CAMTA1: variants seen among roughly 807,000 people sequenced by gnomAD.
CAMTA1 encodes the protein calmodulin-binding transcription activator 1.
In CAMTA1, 27 loss-of-function variants were observed where a neutral mutation model predicts 170.9. The observed-to-expected ratio is 0.16, with a 90% CI of 0.12 to 0.22. The LOEUF (loss-of-function observed/expected upper bound fraction) is 0.22. Ranked by LOEUF, CAMTA1 falls within the 10% of genes least tolerant of loss-of-function variation. CAMTA1 has a pLI of 1.00. For synonymous variants in CAMTA1, 833 were observed against 891.5 expected, an observed-to-expected ratio of 0.93 and a Z score of 1.17; for missense variants, 1,619 against 2,217.2, an observed-to-expected ratio of 0.73 and a Z score of 5.42.
At chr1:7,148,157 T>C (rs12751444) in intron 4 of CAMTA1, among the ~76,000 whole-genome samples, 108,189 of 149,980 alleles carry the variant, frequency 0.72, 39,651 homozygotes, top group African/African-American at 0.89. Context: ...ACGACACAAA[T>C]GTACACCATG....
At position 6,785,504 on chromosome 1, in the gene CAMTA1, G is replaced by A. The variant is rs192783463; in HGVS notation, c.-27G>A. On this transcript the variant is annotated 5_prime_UTR_variant, in exon 1 of 23. Coordinates refer to ENST00000303635, the MANE Select transcript of CAMTA1 (RefSeq NM_015215.4). The stretch of plus-strand genomic sequence containing the variant: ...CGGCGGCGGTACGAGGCGCGCGCTC[G>A]GGGTCCCGGTCGCGAGGAGGAGGAG... The A allele has an allele frequency of 0.077, 80,048 of 1,034,040 alleles. 3,207 individuals carry two copies. The highest frequency in any genetic ancestry group is 0.083 in the Non-Finnish European group (71,327 of 854,816). 64.1% of individuals were successfully genotyped at this position (1,034,040 alleles called of 1,614,324 possible).
chr1:7,471,224 A>C (rs75818963), intron 6 of CAMTA1, among the ~76,000 whole-genome samples: 3 of 152,064 alleles, frequency 2.0e-5, no homozygotes, highest in African/African-American at 4.8e-5. Context: ...TCTCTCTGTC[A>C]TGTTCTCCCT....
At chr1:7,138,632 A>G (rs1645686188) in intron 4 of CAMTA1, among the ~76,000 whole-genome samples, 1 of 152,216 alleles carries the variant, frequency 6.6e-6, no homozygotes, top group Non-Finnish European at 1.5e-5. Context: ...AAACACATAC[A>G]TGCCAACATT....
chr1:7,576,705 T>A (rs2095197871), intron 6 of CAMTA1, among the ~76,000 whole-genome samples: 1 of 152,068 alleles, frequency 6.6e-6, no homozygotes, highest in Non-Finnish European at 1.5e-5. Context: ...CAGAATGGAT[T>A]GAGATGCCAC....
chr1:6,844,583 G>A (rs1366838694), intron 3 of CAMTA1, among the ~76,000 whole-genome samples: 1 of 150,858 alleles, frequency 6.6e-6, no homozygotes, highest in African/African-American at 2.4e-5. Context: ...CTACTTGGGA[G>A]CCTGAGGTGG....
chr1:7,421,771 G>A (rs921757642), intron 5 of CAMTA1, among the ~76,000 whole-genome samples: 1 of 152,094 alleles, frequency 6.6e-6, no homozygotes, highest in African/African-American at 2.4e-5. Context: ...AGACCAAGGA[G>A]GCAGGAGGCC....
chr1:7,316,487 G>A (rs532500658), intron 5 of CAMTA1, among the ~76,000 whole-genome samples: 24 of 152,318 alleles, frequency 1.6e-4, no homozygotes, highest in Non-Finnish European at 3.1e-4. Context: ...AATGCTTGAC[G>A]CACGGTAAGT....
chr1:6,978,879 A>C (rs976057993), intron 3 of CAMTA1, among the ~76,000 whole-genome samples: 2 of 152,076 alleles, frequency 1.3e-5, no homozygotes, highest in Non-Finnish European at 2.9e-5. Flanking sequence ...CTGGACCTGG[A>C]GGTACTGGAT....
At chr1:6,790,068 C>T (rs1271078294) in intron 1 of CAMTA1, among the ~76,000 whole-genome samples, 1 of 151,614 alleles carries the variant, frequency 6.6e-6, no homozygotes, top group Non-Finnish European at 1.5e-5. Context: ...CCTACCTCAG[C>T]CTCCCTTGCC....
Position 7,737,029 on chromosome 1 carries a change from AG to A in CAMTA1, c.3342+21del. Reference sequence around the variant, plus strand: ...CCTCTGGTAAGGAATGGATTCCTGTAGCCCCCCCTTGCTGTTCTTCCAGTCT... The same window carrying A: ...CCTCTGGTAAGGAATGGATTCCTGTACCCCCCCTTGCTGTTCTTCCAGTCT... On this transcript the variant is annotated intron_variant, in intron 14 of 22. Transcript: ENST00000303635. 1 of 1,574,862 alleles carries A rather than the reference AG, an allele frequency of 6.3e-7. No homozygotes were observed. The highest frequency in any genetic ancestry group is 2.2e-5 in the East Asian group (1 of 44,634).
At chr1:7,295,047 C>T (rs1268186994) in intron 5 of CAMTA1, among the ~76,000 whole-genome samples, 11 of 152,258 alleles carry the variant, frequency 7.2e-5, no homozygotes, top group Admixed American at 7.2e-4. Flanking sequence ...TCACTGATAG[C>T]ATCAAGCACA....
At chr1:6,960,482 TG>T (rs1690193922) in intron 3 of CAMTA1, among the ~76,000 whole-genome samples, 1 of 152,186 alleles carries the variant, frequency 6.6e-6, no homozygotes, top group Non-Finnish European at 1.5e-5. Flanking sequence ...CTCTTGGCAC[TG>T]GGTCCAGATT....
At chr1:6,864,228 T>A (rs889401452) in intron 3 of CAMTA1, among the ~76,000 whole-genome samples, 2 of 152,354 alleles carry the variant, frequency 1.3e-5, no homozygotes, top group Middle Eastern at 3.4e-3. Context: ...TCCAAAACAA[T>A]TCCTGCTGGT....
At chr1:7,365,897 G>A (rs1407506975) in intron 5 of CAMTA1, among the ~76,000 whole-genome samples, 1 of 152,198 alleles carries the variant, frequency 6.6e-6, no homozygotes, top group African/African-American at 2.4e-5. Flanking sequence ...CCTCTCTGGA[G>A]GCTGCTCCCT....
chr1:6,898,888 T>G (rs960710742), intron 3 of CAMTA1, among the ~76,000 whole-genome samples: 1 of 151,806 alleles, frequency 6.6e-6, no homozygotes, highest in African/African-American at 2.4e-5. Context: ...TGGTTTGTTT[T>G]ATTTTGTTTG....
intron 5 of CAMTA1, among the ~76,000 whole-genome samples, chr1:7,289,376 G>A (rs1283286038): frequency 6.6e-6 from 1 of 152,110 alleles, no homozygotes; most frequent in Non-Finnish European, 1.5e-5. Flanking sequence ...AGTCCCAGAC[G>A]ACAAAGGAAG....
intron 6 of CAMTA1, among the ~76,000 whole-genome samples, chr1:7,558,820 G>C (rs528648545): frequency 6.6e-6 from 1 of 152,392 alleles, no homozygotes; most frequent in East Asian, 1.9e-4. Flanking sequence ...TAGTCATTAA[G>C]ATAAAAGTTG....
intron 6 of CAMTA1, among the ~76,000 whole-genome samples, chr1:7,602,302 G>A (rs2095453599): frequency 6.6e-6 from 1 of 151,738 alleles, no homozygotes; most frequent in Admixed American, 6.6e-5. Flanking sequence ...TTTTTGGTTG[G>A]TAAGCTATTA....
intron 6 of CAMTA1, among the ~76,000 whole-genome samples, chr1:7,566,172 TAG>T: frequency 6.6e-6 from 1 of 152,326 alleles, no homozygotes; most frequent in East Asian, 1.9e-4. Flanking sequence ...CTGTGCTCTC[TAG>T]AGACTGGAGA....
Sources: gnomAD v4.1 joint callset for allele counts (sites outside exome capture counted in the v4.1 genomes callset) on GRCh38, gnomAD v4.1.1 for gene constraint, MANE v1.5 for transcripts, NCBI Gene and HGNC (gene_info 2026-07-23, HGNC 2026-07-21) for gene names.